The following PTPRD variants were observed in gnomAD, a reference collection of about 807,000 sequenced individuals.
The protein encoded by PTPRD is protein tyrosine phosphatase receptor type D, also known as receptor-type tyrosine-protein phosphatase delta.
A neutral mutation model predicts 214.5 loss-of-function variants in PTPRD; 34 were observed. The observed-to-expected ratio is 0.16, with a 90% CI of 0.12 to 0.21. PTPRD has a LOEUF of 0.21. Among genes scored for constraint, PTPRD ranks in the 10% least tolerant of loss-of-function variants. The probability of loss-of-function intolerance (pLI) is 1.00; values close to 1 mark genes in which losing one functional copy is unlikely to be tolerated. For synonymous variants in PTPRD, 1,128 were observed against 845.7 expected (o/e 1.33, Z -5.79); for missense variants, 2,545 against 2,398.7 (o/e 1.06, Z -1.27).
At chr9:9,463,736 A>C (rs1027531024) in intron 8 of PTPRD, among the ~76,000 whole-genome samples, 1 of 152,086 alleles carries the variant, frequency 6.6e-6, no homozygotes, top group Non-Finnish European at 1.5e-5. Flanking sequence ...TGTACTTGAA[A>C]CTGGCCCAAT....
chr9:8,385,747 C>T (rs145691770), intron 37 of PTPRD, among the ~76,000 whole-genome samples: 16 of 152,190 alleles, frequency 1.1e-4, no homozygotes, highest in South Asian at 1.0e-3. Context: ...ATGTAGCAGC[C>T]GGAATGTTCT....
At chr9:8,603,211 T>C (rs2094974319) in intron 14 of PTPRD, among the ~76,000 whole-genome samples, 1 of 152,208 alleles carries the variant, frequency 6.6e-6, no homozygotes, top group South Asian at 2.1e-4. Flanking sequence ...CTTAATTCAG[T>C]CTTTGTAAAA....
At chr9:9,802,316 T>C (rs371757544) in intron 5 of PTPRD, among the ~76,000 whole-genome samples, 2 of 151,978 alleles carry the variant, frequency 1.3e-5, no homozygotes, top group Admixed American at 1.3e-4. Flanking sequence ...CCATATTTTG[T>C]ATTCTTAGCA....
rs1468795168 is a variant in PTPRD at position 8,702,435 on chromosome 9, C to T, written c.64+31345G>A. Among the ~76,000 whole-genome samples, 4 of 152,094 alleles carry T rather than the reference C, an allele frequency of 2.6e-5. No homozygotes were observed. The East Asian group carries it at 7.7e-4, about 29-fold the overall frequency. On this transcript the variant is annotated intron_variant, in intron 12 of 45. Transcript: ENST00000381196. ...TCAACAAACATTTACTGATTACCTA[C>T]TACGTGAGTTCATGAGAATAAAGAA...
At chr9:9,214,960 G>A (rs558526610) in intron 9 of PTPRD, among the ~76,000 whole-genome samples, 2 of 152,290 alleles carry the variant, frequency 1.3e-5, no homozygotes, top group South Asian at 2.1e-4. Context: ...GCCCTTCTGG[G>A]TTCAGAGTCT....
At chr9:9,211,793 A>C (rs933517366) in intron 9 of PTPRD, among the ~76,000 whole-genome samples, 2 of 150,650 alleles carry the variant, frequency 1.3e-5, no homozygotes, top group African/African-American at 4.9e-5. Context: ...ATAGCCTAAG[A>C]AACTGGTACT....
intron 6 of PTPRD, among the ~76,000 whole-genome samples, chr9:9,762,688 T>A (rs2154476690): frequency 6.6e-6 from 1 of 152,342 alleles, no homozygotes; most frequent in South Asian, 2.1e-4. Flanking sequence ...CATTTCTACA[T>A]AAGACTTCAT....
intron 9 of PTPRD, among the ~76,000 whole-genome samples, chr9:9,209,596 T>C (rs1160941646): frequency 1.3e-5 from 2 of 152,184 alleles, no homozygotes; most frequent in African/African-American, 2.4e-5. Context: ...GTCTGGAATT[T>C]GCTTCAAAAT....
chr9:8,725,072 ATATAT>A (rs1374930126), intron 12 of PTPRD, among the ~76,000 whole-genome samples: 5 of 152,212 alleles, frequency 3.3e-5, no homozygotes, highest in Non-Finnish European at 5.9e-5. Context: ...TCATTATGTA[ATATAT>A]TAATATTAGG....
At chr9:8,928,494 T>C (rs2098920425) in intron 11 of PTPRD, among the ~76,000 whole-genome samples, 1 of 152,088 alleles carries the variant, frequency 6.6e-6, no homozygotes, top group Non-Finnish European at 1.5e-5. Context: ...GTCAGGTTTG[T>C]CAAAGATCAG....
At chr9:8,665,513 A>G (rs1284101589) in intron 12 of PTPRD, among the ~76,000 whole-genome samples, 1 of 152,234 alleles carries the variant, frequency 6.6e-6, no homozygotes, top group Non-Finnish European at 1.5e-5. Context: ...AATTAGAAAG[A>G]AAAGCTCAAC....
intron 14 of PTPRD, among the ~76,000 whole-genome samples, chr9:8,576,195 C>G (rs938342623): frequency 8.5e-5 from 13 of 152,064 alleles, no homozygotes; most frequent in Non-Finnish European, 1.5e-4. Context: ...CAATTGTTGG[C>G]ATAGAATACC....
At chr9:8,462,823 C>T (rs2096450940) in intron 32 of PTPRD, among the ~76,000 whole-genome samples, 1 of 151,958 alleles carries the variant, frequency 6.6e-6, no homozygotes, top group Non-Finnish European at 1.5e-5. Flanking sequence ...ACTCACCAAA[C>T]TGTATTTTGG....
intron 14 of PTPRD, among the ~76,000 whole-genome samples, chr9:8,622,330 C>T (rs1462200735): frequency 6.6e-6 from 1 of 151,910 alleles, no homozygotes; most frequent in Non-Finnish European, 1.5e-5. Context: ...GAGCTTAATT[C>T]TTCTGTCAGC....
chr9:8,788,091 T>G (rs1599788882), intron 11 of PTPRD, among the ~76,000 whole-genome samples: 1 of 152,124 alleles, frequency 6.6e-6, no homozygotes, highest in African/African-American at 2.4e-5. Flanking sequence ...ATTTTTTTCT[T>G]AATAACAGGA....
intron 9 of PTPRD, among the ~76,000 whole-genome samples, chr9:9,190,740 T>C (rs1205387818): frequency 2.6e-5 from 4 of 152,106 alleles, no homozygotes; most frequent in African/African-American, 9.7e-5. Context: ...TACAGCAGCA[T>C]AAAATGTACT....
chr9:9,122,946 TAG>T (rs2099818998), intron 10 of PTPRD, among the ~76,000 whole-genome samples: 1 of 152,134 alleles, frequency 6.6e-6, no homozygotes, highest in African/African-American at 2.4e-5. Context: ...TAAAAAGAAA[TAG>T]AGTTTGTGAC....
intron 3 of PTPRD, among the ~76,000 whole-genome samples, chr9:10,071,546 G>C (rs2098016468): frequency 6.6e-6 from 1 of 152,018 alleles, no homozygotes; most frequent in Non-Finnish European, 1.5e-5. Flanking sequence ...AAATGGTGCT[G>C]AAATGTGTAT....
At chr9:9,461,924 T>A (rs1373174589) in intron 8 of PTPRD, among the ~76,000 whole-genome samples, 1 of 152,174 alleles carries the variant, frequency 6.6e-6, no homozygotes, top group Non-Finnish European at 1.5e-5. Flanking sequence ...AACCATTATA[T>A]TTAAATTGGG....
Sources: gnomAD v4.1 joint callset for allele counts (sites outside exome capture counted in the v4.1 genomes callset) on GRCh38, gnomAD v4.1.1 for gene constraint, MANE v1.5 for transcripts, NCBI Gene and HGNC (gene_info 2026-07-23, HGNC 2026-07-21) for gene names.